Variants in MACROD2 observed in about 807,000 individuals in gnomAD.
The protein encoded by MACROD2 is ADP-ribose glycohydrolase MACROD2.
Under a neutral mutation model 70.4 loss-of-function variants are expected in MACROD2, and 36 were observed. That is an observed-to-expected ratio of 0.51 (90% CI 0.39 to 0.68). The LOEUF (loss-of-function observed/expected upper bound fraction) is 0.68, where lower values mean the gene tolerates loss of function less well. Among genes scored for constraint, MACROD2 ranks in the 30% least tolerant of loss-of-function variants. The pLI, the probability that MACROD2 is intolerant of heterozygous loss-of-function variation, is 0.00. For synonymous variants in MACROD2, 172 were observed against 178.8 expected (o/e 0.96, Z 0.30); for missense variants, 496 against 538.4 (o/e 0.92, Z 0.78).
At chr20:15,475,741 A>G (rs1244821585) in intron 7 of MACROD2, among the ~76,000 whole-genome samples, 1 of 152,236 alleles carries the variant, frequency 6.6e-6, no homozygotes, top group East Asian at 1.9e-4. Flanking sequence ...GTCCTCGTCC[A>G]GATAGCCATG....
At chr20:15,196,480 A>C (rs1313826715) in intron 5 of MACROD2, among the ~76,000 whole-genome samples, 1 of 152,188 alleles carries the variant, frequency 6.6e-6, no homozygotes, top group African/African-American at 2.4e-5. Flanking sequence ...AAATTGGTGA[A>C]TGTCTTAGAG....
intron 8 of MACROD2, among the ~76,000 whole-genome samples, chr20:15,765,022 C>A (rs1168013756): frequency 6.6e-6 from 1 of 152,084 alleles, no homozygotes; most frequent in African/African-American, 2.4e-5. Context: ...CCACACACAA[C>A]CCCCGGTCTT....
intron 12 of MACROD2, among the ~76,000 whole-genome samples, chr20:15,952,993 T>C (rs1474683615): frequency 6.6e-6 from 1 of 152,110 alleles, no homozygotes; most frequent in African/African-American, 2.4e-5. Flanking sequence ...CTTATGAGTC[T>C]GCTCATGATA....
chr20:15,174,294 G>A (rs1250442984), intron 5 of MACROD2, among the ~76,000 whole-genome samples: 6 of 152,032 alleles, frequency 3.9e-5, no homozygotes, highest in African/African-American at 1.2e-4. Flanking sequence ...TTATTATTTA[G>A]GAGAAGAATT....
intron 5 of MACROD2, among the ~76,000 whole-genome samples, chr20:14,910,838 A>G (rs945616469): frequency 6.6e-6 from 1 of 152,118 alleles, no homozygotes; most frequent in Non-Finnish European, 1.5e-5. Context: ...ATGGTATGTC[A>G]CTTGATATTG....
chr20:15,012,637 G>A (rs1373229921), intron 5 of MACROD2, among the ~76,000 whole-genome samples: 1 of 152,256 alleles, frequency 6.6e-6, no homozygotes, highest in Non-Finnish European at 1.5e-5. Context: ...GGAAAGCAGA[G>A]CTAGCTCTGT....
chr20:14,871,901 A>C (rs969065660), intron 5 of MACROD2, among the ~76,000 whole-genome samples: 5 of 152,160 alleles, frequency 3.3e-5, no homozygotes, highest in African/African-American at 1.2e-4. Flanking sequence ...ACTTTAAACC[A>C]ACAAAGATTA....
At chr20:14,401,628 TA>T (rs1300876357) in intron 3 of MACROD2, among the ~76,000 whole-genome samples, 1 of 152,188 alleles carries the variant, frequency 6.6e-6, no homozygotes, top group Non-Finnish European at 1.5e-5. Context: ...TCAATTCAAG[TA>T]AAACACTCAG....
At chr20:14,487,425 G>A (rs2084748285) in intron 3 of MACROD2, among the ~76,000 whole-genome samples, 1 of 152,164 alleles carries the variant, frequency 6.6e-6, no homozygotes, top group South Asian at 2.1e-4. Flanking sequence ...GGAGTTTAAG[G>A]AACTTTCTCA....
At chr20:15,438,607 G>A (rs1007486030) in intron 7 of MACROD2, among the ~76,000 whole-genome samples, 2 of 134,832 alleles carry the variant, frequency 1.5e-5, no homozygotes, top group African/African-American at 3.0e-5. Flanking sequence ...CCAACCCTTG[G>A]TGGTCATTAT....
chr20:15,015,430 GGTT>G (rs1239711200), intron 5 of MACROD2, among the ~76,000 whole-genome samples: 3 of 150,404 alleles, frequency 2.0e-5, no homozygotes, highest in African/African-American at 7.3e-5. Context: ...CCAGAAGTCT[GGTT>G]GTTAATTTTT....
chr20:15,107,480 T>G lies in MACROD2; in HGVS notation c.419-122460T>G, dbSNP rs1331106755. ...TCCTTAATTCCCATTTTCAAAACCT[T>G]GTGATAATGAATAATTCTTTATGAT... On this transcript the variant is annotated intron_variant, in intron 5 of 17. Transcript: ENST00000684519. 2.0e-5 allele frequency among the ~76,000 whole-genome samples: 3 copies of G among 152,060 alleles called. No homozygotes were observed. In the East Asian group the frequency reaches 5.8e-4, roughly 29 times the overall value.
chr20:14,561,515 A>G (rs1205087452), intron 4 of MACROD2, among the ~76,000 whole-genome samples: 1 of 151,820 alleles, frequency 6.6e-6, no homozygotes, highest in Admixed American at 6.6e-5. Context: ...AGGGTATACA[A>G]ATGTTATATT....
intron 3 of MACROD2, among the ~76,000 whole-genome samples, chr20:14,192,920 A>G (rs2081400266): frequency 6.6e-6 from 1 of 152,222 alleles, no homozygotes; most frequent in Non-Finnish European, 1.5e-5. Flanking sequence ...TGAACAATTC[A>G]TAGGGAGTTA....
chr20:15,979,262 C>T (rs910006278), intron 13 of MACROD2, among the ~76,000 whole-genome samples: 7 of 152,138 alleles, frequency 4.6e-5, no homozygotes, highest in Admixed American at 2.0e-4. Context: ...ACATGCTTTC[C>T]ATTCAGGATC....
At chr20:14,083,338 G>A (rs1020300422) in intron 2 of MACROD2, among the ~76,000 whole-genome samples, 3 of 151,494 alleles carry the variant, frequency 2.0e-5, no homozygotes, top group Admixed American at 6.6e-5. Flanking sequence ...CATGAGAATC[G>A]CTTGAACCTG....
chr20:15,412,115 T>C (rs1382334081), intron 6 of MACROD2, among the ~76,000 whole-genome samples: 1 of 152,190 alleles, frequency 6.6e-6, no homozygotes, highest in Non-Finnish European at 1.5e-5. Flanking sequence ...TCAAAATTAG[T>C]TTCTCACTAG....
chr20:14,580,110 C>A (rs1305987286), intron 4 of MACROD2, among the ~76,000 whole-genome samples: 1 of 151,360 alleles, frequency 6.6e-6, no homozygotes, highest in Admixed American at 6.6e-5. Flanking sequence ...AGGTCTTCTT[C>A]AAGAAAAAAA....
At chr20:15,159,183 C>A (rs1298683529) in intron 5 of MACROD2, among the ~76,000 whole-genome samples, 1 of 151,986 alleles carries the variant, frequency 6.6e-6, no homozygotes, top group Non-Finnish European at 1.5e-5. Flanking sequence ...TCTCATTTTT[C>A]TCTTATTTTT....
Sources: gnomAD v4.1 joint callset for allele counts (sites outside exome capture counted in the v4.1 genomes callset) on GRCh38, gnomAD v4.1.1 for gene constraint, MANE v1.5 for transcripts, NCBI Gene and HGNC (gene_info 2026-07-23, HGNC 2026-07-21) for gene names.